The following MRPL39 variants were observed in gnomAD, a reference collection of about 807,000 sequenced individuals.
MRPL39 encodes the protein large ribosomal subunit protein mL39.
MRPL39 carries 35 observed loss-of-function variants against 44.5 expected under a neutral mutation model. The observed-to-expected ratio is 0.79, with a 90% CI of 0.60 to 1.04. The LOEUF is 1.04. Among genes scored for constraint, MRPL39 ranks in the 50% least tolerant of loss-of-function variants. The probability of loss-of-function intolerance (pLI) is 0.00; values close to 1 mark genes in which losing one functional copy is unlikely to be tolerated. For synonymous variants in MRPL39, 139 were observed against 136.1 expected, an observed-to-expected ratio of 1.02 and a Z score of -0.15; for missense variants, 433 against 413.5, an observed-to-expected ratio of 1.05 and a Z score of -0.41.
intron 6 of MRPL39, among the ~76,000 whole-genome samples, chr21:25,594,387 G>A (rs1009340457): frequency 1.3e-5 from 2 of 151,894 alleles, no homozygotes; most frequent in Admixed American, 6.6e-5. Context: ...AAGTAGCTGG[G>A]ACTACAGGTG....
At chr21:25,601,661 G>A (rs1383403262) in intron 3 of MRPL39, among the ~76,000 whole-genome samples, 194 bp from the exon 4 acceptor site, 1 of 152,114 alleles carries the variant, frequency 6.6e-6, no homozygotes, top group Non-Finnish European at 1.5e-5. Flanking sequence ...AAAGAATGAA[G>A]CATGAACCTC....
chr21:25,598,856 GA>G (rs57011739), intron 5 of MRPL39, among the ~76,000 whole-genome samples: 8,526 of 136,462 alleles, frequency 0.062, 258 homozygotes, highest in Middle Eastern at 0.099. Context: ...TTACTAAGGG[GA>G]AAAAAAAAAA....
rs192224882 is a variant in MRPL39 at position 25,588,219 on chromosome 21, C to T, written c.969+616G>A. ...CCCAGCTACTTGGGAGGCTGAGGCA[C>T]GAGAATCGCTTGAGCCCGGGAGGTG... On this transcript the variant is annotated intron_variant, in intron 9 of 9. Coordinates refer to ENST00000352957, the MANE Select transcript of MRPL39 (RefSeq NM_017446.4). 6.4e-3 allele frequency among the ~76,000 whole-genome samples: 968 copies of T among 151,760 alleles called. 7 individuals are homozygous for T. The highest frequency in any genetic ancestry group is 0.011 in the Non-Finnish European group (731 of 67,894).
At chr21:25,606,048 T>A (rs114135185) in intron 2 of MRPL39, among the ~76,000 whole-genome samples, 214 of 152,200 alleles carry the variant, frequency 1.4e-3, no homozygotes, top group African/African-American at 5.0e-3. Flanking sequence ...CAGAGTACCC[T>A]CCAGAACTAC....
At chr21:25,596,975 G>C (rs191984831) in intron 6 of MRPL39, among the ~76,000 whole-genome samples, 93 of 152,238 alleles carry the variant, frequency 6.1e-4, no homozygotes, top group African/African-American at 2.1e-3. Context: ...GGGTAGGAGA[G>C]AAACACTGCC....
At chr21:25,601,214 T>C (rs1391746931) in intron 4 of MRPL39, among the ~76,000 whole-genome samples, 154 bp downstream of exon 4, 1 of 152,198 alleles carries the variant, frequency 6.6e-6, no homozygotes, top group East Asian at 1.9e-4. Flanking sequence ...CAAAGACTAC[T>C]TCATGTTTCA....
intron 8 of MRPL39, 47 bp downstream of exon 8, chr21:25,592,765 A>T: frequency 7.0e-7 from 1 of 1,421,806 alleles, no homozygotes; most frequent in African/African-American, 1.4e-5. Context: ...GTCCGGAATT[A>T]TATCTATACC....
At chr21:25,593,521 T>C (rs2031247936) in intron 7 of MRPL39, among the ~76,000 whole-genome samples, 1 of 152,252 alleles carries the variant, frequency 6.6e-6, no homozygotes, top group African/African-American at 2.4e-5. Flanking sequence ...CTGGCTTAAC[T>C]TACATGTATC....
At position 25,597,356 on chromosome 21, in the gene MRPL39, A is replaced by T. The variant is rs980451563; in HGVS notation, c.647T>A (p.Phe216Tyr). 6.2e-7 allele frequency: 1 copy of T among 1,604,334 alleles called. No homozygotes were observed. The highest frequency in any genetic ancestry group is 8.5e-7 in the Non-Finnish European group (1 of 1,174,204). Residue 216 changes from phenylalanine to tyrosine, a missense_variant, in exon 6 of 10, where the codon TTT (phenylalanine) becomes TAT (tyrosine). Phe to Tyr is a conservative substitution (Grantham distance 22). Coordinates refer to ENST00000352957, the MANE Select transcript of MRPL39 (RefSeq NM_017446.4). ...AHALIYKDLP[F>Y]ETLEVEAKVA... ...TTTTGCTTCAACTTCCAGAGTTTCA[A>T]ATGGAAGATCTTTATAAATTAAAGC...
At chr21:25,586,865 G>A (rs1255605967) in intron 9 of MRPL39, among the ~76,000 whole-genome samples, 1 of 152,074 alleles carries the variant, frequency 6.6e-6, no homozygotes, top group African/African-American at 2.4e-5. Context: ...TTATGCCAGA[G>A]CCCCACATGT....
At chr21:25,598,392 G>C (rs970917541) in intron 5 of MRPL39, among the ~76,000 whole-genome samples, 6 of 148,614 alleles carry the variant, frequency 4.0e-5, no homozygotes, top group Non-Finnish European at 5.9e-5. Flanking sequence ...CTTGGGCCCA[G>C]AAGTTCAAGG....
At chr21:25,593,797 C>T in intron 7 of MRPL39, 96 bp downstream of exon 7, 2 of 1,054,368 alleles carry the variant, frequency 1.9e-6, no homozygotes, top group Middle Eastern at 2.1e-4. Flanking sequence ...CAAAATAAGA[C>T]ACAAATTCAT....
chr21:25,596,138 G>A (rs981528693), intron 6 of MRPL39, among the ~76,000 whole-genome samples: 5 of 149,826 alleles, frequency 3.3e-5, no homozygotes, highest in Non-Finnish European at 5.9e-5. Flanking sequence ...TCGCTCTTTC[G>A]CCCAGGCCGG....
upstream of MRPL39, among the ~76,000 whole-genome samples, chr21:25,607,672 G>A (rs1187655093): frequency 6.6e-6 from 1 of 152,092 alleles, no homozygotes; most frequent in Non-Finnish European, 1.5e-5. Flanking sequence ...CGCGTTACCT[G>A]TGCTCGATAC....
chr21:25,603,950 C>A lies in MRPL39; in HGVS notation c.281-15G>T. The A allele has an allele frequency of 6.3e-7, 1 of 1,598,580 alleles. No individual in the cohort carries two copies. Among genetic ancestry groups the A allele is most frequent in the Non-Finnish European group, 8.5e-7 (1 of 1,174,918 alleles). The stretch of plus-strand genomic sequence containing the variant: ...CTCGCTTAAATCTAGAAATTTAAAA[C>A]AGACTGATTATCTAACAAAATCCAG... On this transcript the variant is annotated splice_polypyrimidine_tract_variant and intron_variant, in intron 2 of 9. Coordinates refer to ENST00000352957, the MANE Select transcript of MRPL39 (RefSeq NM_017446.4).
Position 25,607,206 on chromosome 21 carries a change from G to A in MRPL39, c.73+197C>T, listed in dbSNP as rs140014664. Among the ~76,000 whole-genome samples, 459 of 152,246 alleles carry A rather than the reference G, an allele frequency of 3.0e-3. No homozygotes were observed. Among genetic ancestry groups the A allele is most frequent in the Admixed American group, 0.016 (241 of 15,298 alleles). ...ACCCCTGGCCCCGACCCCTGCCCTTGCCCCTGCCCTCCGCCAGACCCTCGT... is the reference window on the plus strand; with the variant it reads ...ACCCCTGGCCCCGACCCCTGCCCTTACCCCTGCCCTCCGCCAGACCCTCGT... On this transcript the variant is annotated intron_variant, in intron 1 of 9. Transcript: ENST00000352957.
At chr21:25,589,963 T>G (rs1316490884) in intron 8 of MRPL39, among the ~76,000 whole-genome samples, 1 of 152,010 alleles carries the variant, frequency 6.6e-6, no homozygotes, top group East Asian at 1.9e-4. Context: ...TGAGACAGGG[T>G]AAAGAGTTGG....
intron 6 of MRPL39, among the ~76,000 whole-genome samples, chr21:25,594,481 A>C (rs1169412874): frequency 6.6e-6 from 1 of 151,882 alleles, no homozygotes; most frequent in African/African-American, 2.4e-5. Context: ...TCCTGGTGTC[A>C]AGCAATCCTC....
rs931342788 is a variant in MRPL39, at chr21:25,589,522, A to C, written c.922-640T>G. 3.9e-5 allele frequency among the ~76,000 whole-genome samples: 6 copies of C among 152,130 alleles called. No individual in the cohort carries two copies. In the Middle Eastern group the frequency reaches 0.01, roughly 259 times the overall value. ...AACCTCCGCCTCCCAGGTTCAAGCA[A>C]TTCTCCTGCCTCAGCCTCCCAAGAC... On this transcript the variant is annotated intron_variant, in intron 8 of 9. Transcript: ENST00000352957.
Sources: allele counts gnomAD v4.1 joint callset (sites outside exome capture counted in the v4.1 genomes callset), GRCh38; gene constraint gnomAD v4.1.1; transcripts MANE v1.5; gene names NCBI Gene and HGNC (gene_info 2026-07-23, HGNC 2026-07-21).